The following CNTNAP2 variants were observed in gnomAD, a reference collection of about 807,000 sequenced individuals.
CNTNAP2 encodes contactin-associated protein-like 2.
CNTNAP2 carries 98 observed loss-of-function variants against 155.2 expected under a neutral mutation model. That is an observed-to-expected ratio of 0.63 (90% confidence interval 0.54 to 0.75). CNTNAP2 has a LOEUF of 0.75. Ranked by LOEUF, CNTNAP2 falls within the 30% of genes least tolerant of loss-of-function variation. The pLI, the probability that CNTNAP2 is intolerant of heterozygous loss-of-function variation, is 0.00. For missense variants in CNTNAP2, 1,727 were observed against 1,688.1 expected, an observed-to-expected ratio of 1.02 and a Z score of -0.40; for synonymous variants, 651 against 631.2, an observed-to-expected ratio of 1.03 and a Z score of -0.47.
chr7:147,732,148 A>G (rs1386358736), intron 13 of CNTNAP2, among the ~76,000 whole-genome samples: 2 of 151,062 alleles, frequency 1.3e-5, no homozygotes, highest in African/African-American at 4.9e-5. Flanking sequence ...TTAACTGGTC[A>G]TTTACATTAG....
At chr7:147,911,937 C>T (rs563061600) in intron 14 of CNTNAP2, among the ~76,000 whole-genome samples, 1 of 152,302 alleles carries the variant, frequency 6.6e-6, no homozygotes, top group South Asian at 2.1e-4. Context: ...TTTTTAACGT[C>T]TACTTTTACT....
chr7:146,170,207 A>G (rs888504949), intron 1 of CNTNAP2, among the ~76,000 whole-genome samples: 1 of 151,806 alleles, frequency 6.6e-6, no homozygotes, highest in Non-Finnish European at 1.5e-5. Context: ...TTGTATTTTT[A>G]GTAGAATGGG....
At chr7:147,490,562 C>T (rs930926301) in intron 11 of CNTNAP2, among the ~76,000 whole-genome samples, 8 of 152,140 alleles carry the variant, frequency 5.3e-5, no homozygotes, top group African/African-American at 1.9e-4. Flanking sequence ...TTGCTGTAGT[C>T]ATACTAACAT....
intron 10 of CNTNAP2, among the ~76,000 whole-genome samples, chr7:147,466,274 G>A (rs569626373): frequency 6.6e-6 from 1 of 152,296 alleles, no homozygotes; most frequent in East Asian, 1.9e-4. Flanking sequence ...TTCTTTCAGG[G>A]TATGGAAGGA....
At chr7:147,368,332 C>T (rs1253671872) in intron 9 of CNTNAP2, among the ~76,000 whole-genome samples, 1 of 151,954 alleles carries the variant, frequency 6.6e-6, no homozygotes, top group Non-Finnish European at 1.5e-5. Context: ...AGTAGGGCAT[C>T]CCTGAGGATA....
intron 3 of CNTNAP2, among the ~76,000 whole-genome samples, chr7:146,955,993 GT>G (rs371066926): frequency 5.2e-4 from 78 of 151,022 alleles, no homozygotes; most frequent in African/African-American, 1.7e-3. Flanking sequence ...TTATGTATAC[GT>G]TTTTTTTCAT....
chr7:146,125,581 CAAAAAAAAAAA>C (rs57234097), intron 1 of CNTNAP2, among the ~76,000 whole-genome samples: 2 of 58,878 alleles, frequency 3.4e-5, no homozygotes, highest in East Asian at 6.8e-4. Context: ...ACTCCGTCTC[CAAAAAAAAAAA>C]AAAAAAAAAA....
At chr7:147,073,476 C>A (rs191633253) in intron 4 of CNTNAP2, among the ~76,000 whole-genome samples, 36 of 152,182 alleles carry the variant, frequency 2.4e-4, no homozygotes, top group African/African-American at 8.7e-4. Context: ...TTGGATAGGA[C>A]AAACGACAAA....
chr7:148,253,989 T>C (rs1796416650), intron 20 of CNTNAP2, among the ~76,000 whole-genome samples: 1 of 152,166 alleles, frequency 6.6e-6, no homozygotes, highest in Non-Finnish European at 1.5e-5. Context: ...GAATACTGTA[T>C]TTTTGATCCG....
intron 1 of CNTNAP2, among the ~76,000 whole-genome samples, chr7:146,380,890 TG>T (rs1276908934): frequency 2.3e-5 from 3 of 131,770 alleles, no homozygotes; most frequent in Admixed American, 1.7e-4. Flanking sequence ...CTCCGCCCCC[TG>T]GGGTTCACGC....
chr7:148,412,484 T>C (rs1799864724), intron 23 of CNTNAP2, among the ~76,000 whole-genome samples: 1 of 152,266 alleles, frequency 6.6e-6, no homozygotes, highest in Non-Finnish European at 1.5e-5. Context: ...TACTATTTCA[T>C]TAATTTCATT....
At chr7:147,155,093 G>A (rs1192205646) in intron 8 of CNTNAP2, among the ~76,000 whole-genome samples, 1 of 152,126 alleles carries the variant, frequency 6.6e-6, no homozygotes, top group Non-Finnish European at 1.5e-5. Flanking sequence ...AAGTCATGTT[G>A]AAATCCTAAC....
intron 8 of CNTNAP2, among the ~76,000 whole-genome samples, chr7:147,296,200 C>CAGTGT (rs1563150246): frequency 1.3e-5 from 2 of 152,098 alleles, no homozygotes; most frequent in African/African-American, 4.8e-5. Context: ...AGATCCATGT[C>CAGTGT]CTAAAACTGT....
intron 15 of CNTNAP2, among the ~76,000 whole-genome samples, chr7:148,062,011 T>TAGATGATAG (rs1803163415): frequency 1.5e-3 from 129 of 84,152 alleles, no homozygotes; most frequent in East Asian, 6.2e-3. Flanking sequence ...AGATAGATGA[T>TAGATGATAG]AGAGAGAGAG....
chr7:146,364,367 A>C (rs1329120547), intron 1 of CNTNAP2, among the ~76,000 whole-genome samples: 1 of 152,196 alleles, frequency 6.6e-6, no homozygotes, highest in African/African-American at 2.4e-5. Context: ...GAGTATATGC[A>C]ACTCACTGCT....
intron 1 of CNTNAP2, among the ~76,000 whole-genome samples, chr7:146,360,853 T>A: frequency 6.6e-6 from 1 of 152,224 alleles, no homozygotes; most frequent in Non-Finnish European, 1.5e-5. Flanking sequence ...CCCCTTGAAG[T>A]GGCACTTATT....
rs116298735 is a variant in CNTNAP2 at position 146,974,999 on chromosome 7, T to A, written c.403-68908T>A. ...AAAACAAAACAAAGCAAAACAAGAA[T>A]AGACAGTATATTCACCAGGTATACG... On this transcript the variant is annotated intron_variant, in intron 3 of 23. Transcript: ENST00000361727. Among the ~76,000 whole-genome samples the A allele has an allele frequency of 8.6e-3, 1,312 of 152,146 alleles. 17 individuals carry two copies. The highest frequency in any genetic ancestry group is 0.03 in the African/African-American group (1,264 of 41,516).
intron 8 of CNTNAP2, among the ~76,000 whole-genome samples, chr7:147,188,067 A>G (rs1802604557): frequency 1.3e-5 from 2 of 152,202 alleles, no homozygotes; most frequent in African/African-American, 4.8e-5. Flanking sequence ...TCTCAAATAA[A>G]TAAATAAATA....
chr7:146,380,469 A>G (rs1294398496), intron 1 of CNTNAP2, among the ~76,000 whole-genome samples: 1 of 152,134 alleles, frequency 6.6e-6, no homozygotes, highest in Non-Finnish European at 1.5e-5. Flanking sequence ...TTACCATGGA[A>G]AGCATTTCTG....
Sources: gnomAD v4.1 joint callset for allele counts (sites outside exome capture counted in the v4.1 genomes callset) on GRCh38, gnomAD v4.1.1 for gene constraint, MANE v1.5 for transcripts, NCBI Gene and HGNC (gene_info 2026-07-23, HGNC 2026-07-21) for gene names.